Variants in ANKRD6 observed in about 807,000 individuals in gnomAD.
ANKRD6 encodes the protein ankyrin repeat domain-containing protein 6.
A neutral mutation model predicts 82.3 loss-of-function variants in ANKRD6; 56 were observed. That is an observed-to-expected ratio of 0.68 (90% confidence interval 0.55 to 0.85). The LOEUF (loss-of-function observed/expected upper bound fraction) is 0.85. ANKRD6 is among the 40% of genes least tolerant of loss of function. ANKRD6 has a pLI of 0.00. For synonymous variants in ANKRD6, 347 were observed against 352.1 expected, an observed-to-expected ratio of 0.99 and a Z score of 0.16; for missense variants, 852 against 907.6, an observed-to-expected ratio of 0.94 and a Z score of 0.79.
At chr6:89,567,312 C>T (rs1327565248) in intron 2 of ANKRD6, among the ~76,000 whole-genome samples, 4 of 152,178 alleles carry the variant, frequency 2.6e-5, no homozygotes, top group Non-Finnish European at 5.9e-5. Context: ...TCTTTAAAAT[C>T]ACGGTGGCTT....
At chr6:89,559,212 A>G (rs1042149600) in intron 1 of ANKRD6, among the ~76,000 whole-genome samples, 8 of 152,166 alleles carry the variant, frequency 5.3e-5, no homozygotes, top group African/African-American at 1.7e-4. Context: ...CCGTGTTACA[A>G]GCTCCAGCTG....
intron 1 of ANKRD6, among the ~76,000 whole-genome samples, chr6:89,517,569 G>GA (rs1781377721): frequency 2.6e-5 from 4 of 152,192 alleles, no homozygotes; most frequent in Middle Eastern, 3.4e-3. Context: ...TAAGAGTGGG[G>GA]AAAAAATGTA....
At chr6:89,605,641 A>G (rs1041270245) in intron 4 of ANKRD6, among the ~76,000 whole-genome samples, 12 of 152,198 alleles carry the variant, frequency 7.9e-5, no homozygotes. Flanking sequence ...GGTGGGAAGA[A>G]ATAGATGGCA....
intron 1 of ANKRD6, among the ~76,000 whole-genome samples, chr6:89,512,921 T>C (rs1402948617): frequency 6.6e-6 from 1 of 152,164 alleles, no homozygotes; most frequent in Non-Finnish European, 1.5e-5. Context: ...TTTTTTTCTT[T>C]CTTTTTCTCT....
intron 1 of ANKRD6, among the ~76,000 whole-genome samples, chr6:89,443,211 C>G (rs1452414137): frequency 6.6e-6 from 1 of 152,134 alleles, no homozygotes; most frequent in African/African-American, 2.4e-5. Flanking sequence ...TATAATGAAG[C>G]ACATCTGCTT....
At chr6:89,566,792 T>C (rs1788633597) in intron 1 of ANKRD6, 42 bp from the exon 2 acceptor site, 5 of 676,310 alleles carry the variant, frequency 7.4e-6, no homozygotes, top group African/African-American at 3.6e-5. Flanking sequence ...TGTCCTTGTG[T>C]GTCAAGTGGC....
chr6:89,561,298 G>C (rs535572662), intron 1 of ANKRD6: 1 of 152,270 alleles, frequency 6.6e-6, no homozygotes, highest in African/African-American at 2.4e-5. Context: ...GCTTTAAATG[G>C]CTCAAGAAAT....
intron 3 of ANKRD6, 116 bp from the exon 4 acceptor site, chr6:89,602,913 C>A: frequency 1.2e-6 from 1 of 805,248 alleles, no homozygotes; most frequent in Non-Finnish European, 2.0e-6. Context: ...CTGCGAATAA[C>A]CGCTCTGCTC....
At chr6:89,530,825 A>G (rs1270023488) in intron 1 of ANKRD6, among the ~76,000 whole-genome samples, 2 of 152,188 alleles carry the variant, frequency 1.3e-5, no homozygotes, top group African/African-American at 4.8e-5. Flanking sequence ...CTACATTGGT[A>G]TCTCCCGGCT....
intron 1 of ANKRD6, among the ~76,000 whole-genome samples, chr6:89,473,185 T>G (rs910430039): frequency 3.9e-5 from 6 of 152,004 alleles, no homozygotes; most frequent in African/African-American, 1.4e-4. Flanking sequence ...CTGAGGTGGA[T>G]AGATCACCTG....
chr6:89,494,493 G>A (rs1175857689), intron 1 of ANKRD6, among the ~76,000 whole-genome samples: 1 of 152,188 alleles, frequency 6.6e-6, no homozygotes, highest in Non-Finnish European at 1.5e-5. Context: ...GTTTGGTCAA[G>A]GAGAAGTCTC....
chr6:89,627,608 T>G lies in ANKRD6; in HGVS notation c.1397T>G (p.Val466Gly), dbSNP rs759454490. Residue 466 changes from valine to glycine, a missense_variant, in exon 14 of 16, where the codon GTT becomes GGT. By Grantham distance (109) the Val-to-Gly change is moderately radical (BLOSUM62 -3). Coordinates refer to ENST00000339746, the MANE Select transcript of ANKRD6 (RefSeq NM_001242809.2). ...HQMRVLDKLM[V>G]ERLSAERTEC... is the part of the protein sequence containing the mutation. ...ATGCGTGTTTTGGACAAGCTGATGG[T>G]TGAGCGACTTTCTGCAGAGAGGACG... is the stretch of plus-strand genomic sequence containing the variant. The G allele has an allele frequency of 3.1e-6, 5 of 1,613,700 alleles. No individual in the cohort carries two copies. Among genetic ancestry groups the G allele is most frequent in the Non-Finnish European group, 3.4e-6 (4 of 1,179,782 alleles).
chr6:89,525,553 G>T (rs944558459), intron 1 of ANKRD6, among the ~76,000 whole-genome samples: 1 of 152,192 alleles, frequency 6.6e-6, no homozygotes, highest in Non-Finnish European at 1.5e-5. Context: ...GGCAAACCAG[G>T]AAGAGATAGC....
At chr6:89,491,036 A>G (rs1259161911) in intron 1 of ANKRD6, among the ~76,000 whole-genome samples, 1 of 152,142 alleles carries the variant, frequency 6.6e-6, no homozygotes, top group Non-Finnish European at 1.5e-5. Flanking sequence ...GACGAGTGAG[A>G]CTGAAATAAT....
chr6:89,455,499 GT>G (rs1371928486), intron 1 of ANKRD6, among the ~76,000 whole-genome samples: 3 of 152,130 alleles, frequency 2.0e-5, no homozygotes, highest in African/African-American at 7.2e-5. Context: ...TTCAGTCTGT[GT>G]CCCCACCATA....
intron 1 of ANKRD6, among the ~76,000 whole-genome samples, chr6:89,442,628 C>A (rs796563426): frequency 4.4e-4 from 55 of 123,956 alleles, no homozygotes; most frequent in Non-Finnish European, 7.9e-4. Context: ...CAGAGCAAAA[C>A]CCTGTCTCAA....
intron 2 of ANKRD6, among the ~76,000 whole-genome samples, chr6:89,594,933 A>G (rs1795584872): frequency 6.6e-6 from 1 of 151,994 alleles, no homozygotes; most frequent in Non-Finnish European, 1.5e-5. Context: ...AAATGTTTTT[A>G]TAGAGATAGG....
chr6:89,472,825 C>G (rs1775625579), intron 1 of ANKRD6, among the ~76,000 whole-genome samples: 1 of 152,140 alleles, frequency 6.6e-6, no homozygotes, highest in Non-Finnish European at 1.5e-5. Flanking sequence ...CTAGGAAGAG[C>G]CCCAGAGGAA....
At chr6:89,510,655 G>A (rs1189274628) in intron 1 of ANKRD6, among the ~76,000 whole-genome samples, 1 of 152,060 alleles carries the variant, frequency 6.6e-6, no homozygotes. Flanking sequence ...ATCACCTCCA[G>A]AAGAAACCTG....
Sources: gnomAD v4.1 joint callset for allele counts (sites outside exome capture counted in the v4.1 genomes callset) on GRCh38, gnomAD v4.1.1 for gene constraint, MANE v1.5 for transcripts, NCBI Gene and HGNC (gene_info 2026-07-23, HGNC 2026-07-21) for gene names.